Variants in HOXC4 observed in about 807,000 individuals in gnomAD.
HOXC4 encodes homeobox protein Hox-C4.
Under a neutral mutation model 25.5 loss-of-function variants are expected in HOXC4, and 15 were observed. The observed-to-expected ratio is 0.59, with a 90% CI of 0.39 to 0.91. HOXC4 has a LOEUF of 0.91. HOXC4 is among the 40% of genes least tolerant of loss of function. HOXC4 has a pLI of 0.00. For synonymous variants in HOXC4, 165 were observed against 148.0 expected (o/e 1.11, Z -0.83); for missense variants, 342 against 352.4 (o/e 0.97, Z 0.24).
chr12:54,024,566 C>T (rs534440794), intron 1 of HOXC4, among the ~76,000 whole-genome samples: 22 of 152,292 alleles, frequency 1.4e-4, no homozygotes, highest in African/African-American at 5.3e-4. Flanking sequence ...CTTCAAATAT[C>T]CCTCCCCAGG....
intron 1 of HOXC4, among the ~76,000 whole-genome samples, chr12:54,044,768 C>T (rs1396184954): frequency 2.0e-5 from 3 of 151,746 alleles, no homozygotes; most frequent in Non-Finnish European, 4.4e-5. Flanking sequence ...TCTCACATCT[C>T]TATGTACCAA....
chr12:54,049,206 A>C (rs1293263380), upstream of HOXC4, among the ~76,000 whole-genome samples: 1 of 152,188 alleles, frequency 6.6e-6, no homozygotes, highest in Non-Finnish European at 1.5e-5. Flanking sequence ...TTCCCCTTCC[A>C]CATTATAACT....
chr12:54,054,752 CCCT>C lies in HOXC4; in HGVS notation c.440-91_440-89del, dbSNP rs780462228. On this transcript the variant is annotated intron_variant, in intron 1 of 1. Transcript: ENST00000430889. ...GCTTGATGACTTTATTTCCACCACT[CCCT>C]CCTCCTGTTTCTCAGAGCTGAGGAT... 4.4e-4 allele frequency: 338 copies of C among 774,262 alleles called. 1 individual carries two copies. Among genetic ancestry groups the C allele is most frequent in the Non-Finnish European group, 6.4e-4 (303 of 472,410 alleles). The allele number at this position is 774,262 out of a possible 1,614,324, so 48.0% of individuals were successfully genotyped here. A position where few individuals can be genotyped will look rare whatever the true frequency, so the allele number is the denominator to read the frequency against.
At chr12:54,033,423 C>G (rs755488404) in intron 1 of HOXC4, 14 of 1,606,424 alleles carry the variant, frequency 8.7e-6, no homozygotes, top group Non-Finnish European at 1.2e-5. Flanking sequence ...GATGTACAGT[C>G]AGAAGGCGGC....
chr12:54,051,745 G>A (rs552854489), upstream of HOXC4, among the ~76,000 whole-genome samples: 36 of 152,328 alleles, frequency 2.4e-4, no homozygotes, highest in African/African-American at 8.4e-4. Context: ...TGCTGAGCCT[G>A]GGGTGGGGCT....
At chr12:54,050,443 G>A (rs1314176905), upstream of HOXC4, among the ~76,000 whole-genome samples, 2 of 152,194 alleles carry the variant, frequency 1.3e-5, no homozygotes, top group Non-Finnish European at 2.9e-5. Flanking sequence ...GGACAGGGCA[G>A]AGGTGCAGCC....
chr12:54,042,431 G>C (rs938679377), intron 1 of HOXC4, among the ~76,000 whole-genome samples: 1 of 152,178 alleles, frequency 6.6e-6, no homozygotes, highest in East Asian at 1.9e-4. Flanking sequence ...ACAAAGACAG[G>C]GGGAGATTGG....
upstream of HOXC4, among the ~76,000 whole-genome samples, chr12:54,049,393 C>T (rs1937793268): frequency 6.6e-6 from 1 of 152,090 alleles, no homozygotes; most frequent in African/African-American, 2.4e-5. Flanking sequence ...TAAAAAGCCA[C>T]TTTAAACGAG....
At chr12:54,033,670 T>C (rs1363359929) in intron 1 of HOXC4, 1 of 1,133,708 alleles carries the variant, frequency 8.8e-7, no homozygotes, top group Non-Finnish European at 1.2e-6. Context: ...CGGCCATAAA[T>C]TTTACGATCC....
rs550225172 is a variant in HOXC4, at chr12:54,033,969, G to T, written c.-124+16555G>T. ...CAGCGACTCGGGAGGGGCGGGAGGG[G>T]GGTCCCCGGTGCTCGGATCTCGAGG... is the stretch of plus-strand genomic sequence containing the variant. On this transcript the variant is annotated intron_variant, in intron 1 of 3. Coordinates refer to the HOXC4 transcript ENST00000303406. The T allele has an allele frequency of 9.0e-4, 493 of 550,116 alleles. 5 individuals carry two copies. The highest frequency in any genetic ancestry group is 8.8e-3 in the African/African-American group (467 of 53,220). The allele number at this position is 550,116 out of a possible 1,614,324, so 34.1% of individuals were successfully genotyped here. A position where few individuals can be genotyped will look rare whatever the true frequency, so the allele number is the denominator to read the frequency against.
At chr12:54,034,468 A>G (rs1182696448) in intron 1 of HOXC4, 1 of 1,614,138 alleles carries the variant, frequency 6.2e-7, no homozygotes, top group South Asian at 1.1e-5. Context: ...AAGATTCCAA[A>G]ATGAAAAGCA....
At chr12:54,043,968 TTA>T (rs1937639589) in intron 1 of HOXC4, among the ~76,000 whole-genome samples, 1 of 60,460 alleles carries the variant, frequency 1.7e-5, no homozygotes, top group African/African-American at 5.9e-5. Flanking sequence ...GTGTGTGTGT[TTA>T]GGGAGTAGTA....
intron 1 of HOXC4, chr12:54,021,989 C>T (rs554730610): frequency 1.4e-4 from 21 of 152,360 alleles, no homozygotes; most frequent in Admixed American, 3.9e-4. Context: ...AGTCTTAAAA[C>T]AGGGCAGCTG....
rs187080521 is a variant in HOXC4, at chr12:54,054,720, C to T, written c.440-130C>T. 16 of 645,366 alleles carry T rather than the reference C, an allele frequency of 2.5e-5. No homozygotes were observed. In the East Asian group the frequency reaches 4.4e-4, roughly 18 times the overall value. 40.0% of individuals were successfully genotyped at this position (645,366 alleles called of 1,614,324 possible). ...AGCTTCCTTCAACTTCTTTATAACC[C>T]ATTTAAGCTTGATGACTTTATTTCC... On this transcript the variant is annotated intron_variant, in intron 1 of 1. Coordinates refer to ENST00000430889, the MANE Select transcript of HOXC4 (RefSeq NM_153633.3).
chr12:54,036,092 T>A (rs894729080), intron 1 of HOXC4, among the ~76,000 whole-genome samples: 1 of 151,986 alleles, frequency 6.6e-6, no homozygotes, highest in African/African-American at 2.4e-5. Flanking sequence ...TCTCTGGGAT[T>A]TTGTGTGGAG....
chr12:54,034,116 G>GGGGCT lies in HOXC4; in HGVS notation c.-124+16715_-124+16719dup, dbSNP rs1165228816. On this transcript the variant is annotated intron_variant, in intron 1 of 3. Coordinates refer to the HOXC4 transcript ENST00000303406. Reference sequence around the variant, plus strand: ...CTGCCTGGGCGGAGGCGCCTCTCCCGGGGCTGGGCTGGGCTGGCCCGCCTG... The same window carrying GGGGCT: ...CTGCCTGGGCGGAGGCGCCTCTCCCGGGGCTGGGCTGGGCTGGGCTGGCCCGCCTG... 1.5e-5 allele frequency: 11 copies of GGGGCT among 745,944 alleles called. 1 individual carries two copies. In the Middle Eastern group the frequency reaches 7.7e-4, roughly 52 times the overall value. The allele number at this position is 745,944 out of a possible 1,614,324, so 46.2% of individuals were successfully genotyped here.
chr12:54,048,132 G>A (rs1937759741), intron 1 of HOXC4, among the ~76,000 whole-genome samples: 3 of 152,132 alleles, frequency 2.0e-5, no homozygotes, highest in Admixed American at 2.0e-4. Context: ...AGAGCTTGGG[G>A]CTGAGCAAAC....
In HOXC4 at chr12:54,055,069, C is replaced by T; in HGVS notation, c.659C>T (p.Thr220Ile). ...AAGAAGGACCACCGACTCCCCAACA[C>T]CAAAGTCAGGTCAGCACCCCCGGCC... ...KWKKDHRLPNTKVRSAPPAGA... is the reference protein window; with the variant it reads ...KWKKDHRLPNIKVRSAPPAGA... Residue 220 changes from threonine (T) to isoleucine (I), a missense_variant, in exon 2 of 2, where the codon ACC becomes ATC. Coordinates refer to ENST00000430889, the MANE Select transcript of HOXC4 (RefSeq NM_153633.3). 1.2e-6 allele frequency: 2 copies of T among 1,613,788 alleles called. No homozygotes were observed. Among genetic ancestry groups the T allele is most frequent in the South Asian group, 1.1e-5 (1 of 91,038 alleles).
At chr12:54,033,312 G>GCTGCCAACCC in intron 1 of HOXC4, 1 of 1,614,042 alleles carries the variant, frequency 6.2e-7, no homozygotes, top group Non-Finnish European at 8.5e-7. Context: ...GGTAGACATG[G>GCTGCCAACCC]CTGCCAACCC....
Sources: gnomAD v4.1 joint callset for allele counts (sites outside exome capture counted in the v4.1 genomes callset) on GRCh38, gnomAD v4.1.1 for gene constraint, MANE v1.5 for transcripts, NCBI Gene and HGNC (gene_info 2026-07-23, HGNC 2026-07-21) for gene names.